VEGFA: variants seen among roughly 807,000 people sequenced by gnomAD.
VEGFA encodes vascular endothelial growth factor A, long form.
A neutral mutation model predicts 49.7 loss-of-function variants in VEGFA; 20 were observed. The observed-to-expected ratio is 0.40, with a 90% CI of 0.28 to 0.58. VEGFA has a LOEUF of 0.58. Among genes scored for constraint, VEGFA ranks in the 20% least tolerant of loss-of-function variants. The pLI, the probability that VEGFA is intolerant of heterozygous loss-of-function variation, is 0.40. For synonymous variants in VEGFA, 219 were observed against 223.4 expected (o/e 0.98, Z 0.18); for missense variants, 505 against 553.5 (o/e 0.91, Z 0.88).
intron 1 of VEGFA, among the ~76,000 whole-genome samples, chr6:43,772,806 G>C (rs918089325): frequency 1.3e-5 from 2 of 152,184 alleles, no homozygotes; most frequent in African/African-American, 4.8e-5. Context: ...CTCAGACCCT[G>C]GCACAAAGGC....
At chr6:43,781,365 C>T (rs1212518247) in intron 6 of VEGFA, 4 of 258,428 alleles carry the variant, frequency 1.5e-5, no homozygotes, top group Non-Finnish European at 2.3e-5. Context: ...GAGGGGAGCC[C>T]CCTATTCCGG....
intron 4 of VEGFA, 75 bp downstream of exon 4, chr6:43,778,611 T>G: frequency 6.7e-7 from 1 of 1,485,146 alleles, no homozygotes; most frequent in Admixed American, 1.7e-5. Flanking sequence ...TTAAGCATGC[T>G]GTACTTTTTG....
Position 43,777,428 on chromosome 6 carries a change from G to A in VEGFA, c.659-41G>A, listed in dbSNP as rs1264947333. The A allele has an allele frequency of 2.5e-6, 4 of 1,611,112 alleles. No individual in the cohort carries two copies. Among genetic ancestry groups the A allele is most frequent in the South Asian group, 2.2e-5 (2 of 90,918 alleles). On this transcript the variant is annotated intron_variant, in intron 2 of 7. Coordinates refer to ENST00000672860, the MANE Select transcript of VEGFA (RefSeq NM_003376.6). This position sits in a 1 kb window ranked among gnomAD's most constrained non-coding sequence, Gnocchi z 4.3. ...TGGAGAGAGGGGCTAGCCATCTTTT[G>A]TGTCGCCCACCGGGCTCATGTGTCA...
chr6:43,771,257 TG>T lies in VEGFA; in HGVS notation c.552del (p.Leu185CysfsTer37). 1 of 1,607,540 alleles carries T rather than the reference TG, an allele frequency of 6.2e-7. No individual in the cohort carries two copies. Among genetic ancestry groups the T allele is most frequent in the Non-Finnish European group, 8.5e-7 (1 of 1,177,658 alleles). On this transcript the variant is annotated frameshift_variant, in exon 1 of 8. Transcript: ENST00000672860. LOFTEE classifies it high-confidence loss of function. ...CGGGCCTCCGAAACCATGAACTTTCTGCTGTCTTGGGTGCATTGGAGCCTTG... is the reference window on the plus strand; with the variant it reads ...CGGGCCTCCGAAACCATGAACTTTCTCTGTCTTGGGTGCATTGGAGCCTTG...
intron 6 of VEGFA, chr6:43,781,300 G>A (rs1413096187): frequency 4.6e-5 from 13 of 285,598 alleles, no homozygotes; most frequent in Admixed American, 4.0e-4. Context: ...ACCATGTGGC[G>A]GCCTCCCTTC....
Position 43,777,851 on chromosome 6 carries a change from C to T in VEGFA, c.855+186C>T. On this transcript the variant is annotated intron_variant, in intron 3 of 7. Coordinates refer to ENST00000672860, the MANE Select transcript of VEGFA (RefSeq NM_003376.6). The surrounding 1 kb of genome is among the most constrained non-coding windows in gnomAD (Gnocchi z 4.3). ...AGATGCTTCATTCCCAGCCCAGGTTCCCAGCAAGCCCCAACCATCTCCTTC... is the reference window on the plus strand; with the variant it reads ...AGATGCTTCATTCCCAGCCCAGGTTTCCAGCAAGCCCCAACCATCTCCTTC... The T allele has an allele frequency of 3.1e-6, 2 of 649,078 alleles. No individual in the cohort carries two copies. The highest frequency in any genetic ancestry group is 3.9e-5 in the South Asian group (2 of 51,488). The allele number at this position is 649,078 out of a possible 1,614,324, so 40.2% of individuals were successfully genotyped here. A position where few individuals can be genotyped will look rare whatever the true frequency, so the allele number is the denominator to read the frequency against.
intron 5 of VEGFA, chr6:43,779,660 C>T (rs150778870): frequency 2.8e-5 from 13 of 465,194 alleles, no homozygotes; most frequent in Non-Finnish European, 4.7e-5. Flanking sequence ...TTGAAGCCCC[C>T]ACCAGGCCTC....
intron 6 of VEGFA, 67 bp from the exon 7 acceptor site, chr6:43,781,889 G>A: frequency 1.2e-6 from 2 of 1,601,430 alleles, no homozygotes; most frequent in South Asian, 2.2e-5. Flanking sequence ...GGTGTTGCAT[G>A]GTGATTTTTT....
In VEGFA at chr6:43,771,215, G is replaced by C; in HGVS notation, c.509G>C (p.Ser170Thr). ...AGCCCGAGCCGGAGAGGGAGCGCGA[G>C]CCGCGCCGGCCCCGGTCGGGCCTCC... Residue 170 changes from serine to threonine, a missense_variant, in exon 1 of 8, where the codon AGC (serine) becomes ACC (threonine). Physicochemically the swap from Ser to Thr is moderately conservative, Grantham distance 58. Transcript: ENST00000672860. 6 of 1,603,616 alleles carry C rather than the reference G, an allele frequency of 3.7e-6. No individual in the cohort carries two copies. Among genetic ancestry groups the C allele is most frequent in the Non-Finnish European group, 5.1e-6 (6 of 1,176,628 alleles).
intron 3 of VEGFA, 75 bp from the exon 4 acceptor site, chr6:43,778,385 G>GGACA: frequency 7.6e-7 from 1 of 1,308,986 alleles, no homozygotes; most frequent in South Asian, 1.2e-5. Flanking sequence ...TGAGTGGCAG[G>GGACA]AGCCCCAGGG....
rs1763304712 is a variant in VEGFA at position 43,770,826 on chromosome 6, CG to C, written c.124del (p.Val42TrpfsTer11). 3.3e-6 allele frequency: 5 copies of C among 1,514,572 alleles called. No homozygotes were observed. Among genetic ancestry groups the C allele is most frequent in the Non-Finnish European group, 4.4e-6 (5 of 1,133,426 alleles). 93.8% of individuals were successfully genotyped at this position (1,514,572 alleles called of 1,614,324 possible). A position where few individuals can be genotyped will look rare whatever the true frequency, so the allele number is the denominator to read the frequency against. On this transcript the variant is annotated frameshift_variant, in exon 1 of 8. Coordinates refer to ENST00000672860, the MANE Select transcript of VEGFA (RefSeq NM_003376.6). LOFTEE classifies it high-confidence loss of function. ...AGGGGCCGGAGCCCGCGCCCGGAGG[CG>C]GGGTGGAGGGGGTCGGGGCTCGCGG... is the stretch of plus-strand genomic sequence containing the variant.
chr6:43,782,195 G>C (rs978163249), intron 7 of VEGFA, 108 bp downstream of exon 7: 19 of 1,494,760 alleles, frequency 1.3e-5, no homozygotes, highest in Middle Eastern at 4.7e-4. Context: ...CGCCTGAGAG[G>C]GGCCAGCTGC....
intron 4 of VEGFA, 171 bp downstream of exon 4, chr6:43,778,707 G>C: frequency 2.1e-6 from 2 of 963,456 alleles, no homozygotes; most frequent in South Asian, 2.8e-5. Context: ...GGGCACAATA[G>C]TAGTATACTT....
In VEGFA at chr6:43,777,738, G is replaced by C. The variant is rs1484811407; in HGVS notation, c.855+73G>C. 4 of 1,473,734 alleles carry C rather than the reference G, an allele frequency of 2.7e-6. No homozygotes were observed. The highest frequency in any genetic ancestry group is 3.7e-6 in the Non-Finnish European group (4 of 1,092,066). 91.3% of individuals were successfully genotyped at this position (1,473,734 alleles called of 1,614,324 possible). ...AACACTTTGGGAACAGGTGGTCCCA[G>C]GTCGTTTCCTGGCTAGATTTGCCTT... On this transcript the variant is annotated intron_variant, in intron 3 of 7. Transcript: ENST00000672860. The surrounding 1 kb of genome is among the most constrained non-coding windows in gnomAD (Gnocchi z 4.3).
At position 43,778,755 on chromosome 6, in the gene VEGFA, A is replaced by G. The variant is rs980481943; in HGVS notation, c.933-134A>G. 34 of 1,095,184 alleles carry G rather than the reference A, an allele frequency of 3.1e-5. No individual in the cohort carries two copies. The African/African-American group carries it at 5.1e-4, about 17-fold the overall frequency. The allele number at this position is 1,095,184 out of a possible 1,614,324, so 67.8% of individuals were successfully genotyped here. On this transcript the variant is annotated intron_variant, in intron 4 of 7. Coordinates refer to ENST00000672860, the MANE Select transcript of VEGFA (RefSeq NM_003376.6). ...ATAATGATTAAACAAGTTATATATG[A>G]AAAGATTAAAACAGTGTTGCTCCAT...
chr6:43,778,492 C>T lies in VEGFA; in HGVS notation c.888C>T (p.His296=). 1 of 1,614,174 alleles carries T rather than the reference C, an allele frequency of 6.2e-7. No homozygotes were observed. Among genetic ancestry groups the T allele is most frequent in the South Asian group, 1.1e-5 (1 of 91,080 alleles). ...GGATCAAACCTCACCAAGGCCAGCA[C>T]ATAGGAGAGATGAGCTTCCTACAGC... Residue 296 remains histidine, a synonymous_variant, in exon 4 of 8, where the codon CAC becomes CAT. Transcript: ENST00000672860.
At position 43,777,405 on chromosome 6, in the gene VEGFA, G is replaced by T; in HGVS notation, c.659-64G>T. The T allele has an allele frequency of 6.3e-7, 1 of 1,588,224 alleles. No individual in the cohort carries two copies. The highest frequency in any genetic ancestry group is 1.1e-5 in the South Asian group (1 of 89,988). Reference sequence around the variant, plus strand: ...AAGAGTGGCATTACAGAGCTGGGTGGAGAGAGGGGCTAGCCATCTTTTGTG... The same window carrying T: ...AAGAGTGGCATTACAGAGCTGGGTGTAGAGAGGGGCTAGCCATCTTTTGTG... On this transcript the variant is annotated intron_variant, in intron 2 of 7. Coordinates refer to ENST00000672860, the MANE Select transcript of VEGFA (RefSeq NM_003376.6). This position sits in a 1 kb window ranked among gnomAD's most constrained non-coding sequence, Gnocchi z 4.3.
At chr6:43,784,512 C>A in intron 7 of VEGFA, 29 bp from the exon 8 acceptor site, 3 of 1,613,674 alleles carry the variant, frequency 1.9e-6, no homozygotes, top group Non-Finnish European at 2.5e-6. Context: ...TTGGCCCTAA[C>A]CCCAGCCTTT....
intron 6 of VEGFA, 167 bp downstream of exon 6, chr6:43,780,970 C>G: frequency 6.5e-7 from 1 of 1,541,936 alleles, no homozygotes. Context: ...TAATTGGCAC[C>G]AACGGGTAGA....
Sources: gnomAD v4.1 joint callset for allele counts (sites outside exome capture counted in the v4.1 genomes callset) on GRCh38, gnomAD v4.1.1 for gene constraint, Gnocchi (gnomAD v3.1) non-coding constraint, MANE v1.5 for transcripts, NCBI Gene and HGNC (gene_info 2026-07-23, HGNC 2026-07-21) for gene names.